The following NRG3 variants were observed in gnomAD, a reference collection of about 807,000 sequenced individuals.
NRG3 encodes neuregulin 3, also known as pro-neuregulin-3, membrane-bound isoform.
Under a neutral mutation model 66.9 loss-of-function variants are expected in NRG3, and 31 were observed. The ratio of observed to expected loss-of-function variants is 0.46; its 90% CI spans 0.35 to 0.63. NRG3 has a LOEUF of 0.63. Ranked by LOEUF, NRG3 falls within the 20% of genes least tolerant of loss-of-function variation. NRG3 has a pLI of 0.00. For synonymous variants in NRG3, 393 were observed against 359.4 expected (o/e 1.09, Z -1.06); for missense variants, 910 against 878.9 (o/e 1.04, Z -0.45).
At chr10:82,921,244 G>T (rs542476421) in intron 4 of NRG3, among the ~76,000 whole-genome samples, 5 of 152,154 alleles carry the variant, frequency 3.3e-5, no homozygotes, top group Non-Finnish European at 7.4e-5. Context: ...GCCAAGTCCC[G>T]ATTGAGGAAC....
At chr10:82,130,038 T>C (rs950602897) in intron 1 of NRG3, among the ~76,000 whole-genome samples, 1 of 151,906 alleles carries the variant, frequency 6.6e-6, no homozygotes, top group Non-Finnish European at 1.5e-5. Context: ...ATCATTCTAC[T>C]CTCTATCTCC....
chr10:82,657,487 G>C lies in NRG3; in HGVS notation c.954-81090G>C, dbSNP rs149044201. On this transcript the variant is annotated intron_variant, in intron 2 of 8. Transcript: ENST00000372141. ...AATCTGAGATATCTTGAAGGGATAAGTTTATTGGTAGCCCATGGTGATGGC... is the reference window on the plus strand; with the variant it reads ...AATCTGAGATATCTTGAAGGGATAACTTTATTGGTAGCCCATGGTGATGGC... Among the ~76,000 whole-genome samples the C allele has an allele frequency of 9.2e-3, 1,406 of 152,198 alleles. 13 individuals are homozygous for C. Among genetic ancestry groups the C allele is most frequent in the Middle Eastern group, 0.021 (6 of 292 alleles).
At chr10:82,083,578 C>T (rs2065520612) in intron 1 of NRG3, among the ~76,000 whole-genome samples, 1 of 147,830 alleles carries the variant, frequency 6.8e-6, no homozygotes, top group East Asian at 2.0e-4. Context: ...ACAACCTCTC[C>T]TTTACACCAT....
chr10:82,562,388 T>C (rs554793258), intron 2 of NRG3, among the ~76,000 whole-genome samples: 77 of 151,990 alleles, frequency 5.1e-4, no homozygotes, highest in African/African-American at 1.7e-3. Flanking sequence ...TCAACTTTTG[T>C]TTTTATTTTG....
intron 2 of NRG3, among the ~76,000 whole-genome samples, chr10:82,483,937 A>G (rs1161090906): frequency 6.6e-6 from 1 of 152,240 alleles, no homozygotes; most frequent in African/African-American, 2.4e-5. Context: ...TATGCATTAG[A>G]TTTTAATTTG....
intron 1 of NRG3, among the ~76,000 whole-genome samples, chr10:81,952,547 G>A (rs1216418345): frequency 1.3e-5 from 2 of 152,012 alleles, no homozygotes. Flanking sequence ...TCAGATAACT[G>A]GTCACCCAAA....
intron 1 of NRG3, among the ~76,000 whole-genome samples, chr10:82,014,305 C>T (rs1021365277): frequency 2.6e-5 from 4 of 152,130 alleles, no homozygotes; most frequent in Non-Finnish European, 5.9e-5. Flanking sequence ...GTGAGATGTT[C>T]CTTTCACAGA....
At chr10:82,114,424 CA>C (rs2067572800) in intron 1 of NRG3, among the ~76,000 whole-genome samples, 1 of 152,070 alleles carries the variant, frequency 6.6e-6, no homozygotes, top group South Asian at 2.1e-4. Context: ...CTAAAAAATT[CA>C]AATTATTTTC....
At chr10:82,882,818 T>C (rs1842417894) in intron 4 of NRG3, among the ~76,000 whole-genome samples, 1 of 152,310 alleles carries the variant, frequency 6.6e-6, no homozygotes, top group Non-Finnish European at 1.5e-5. Context: ...ATCTTCTCAA[T>C]ACTGCCTGTT....
At chr10:82,234,709 G>A (rs1330252394) in intron 1 of NRG3, among the ~76,000 whole-genome samples, 3 of 152,222 alleles carry the variant, frequency 2.0e-5, no homozygotes, top group Non-Finnish European at 2.9e-5. Flanking sequence ...CATCGTAAAA[G>A]TTAACTGGGA....
At chr10:82,679,923 T>G (rs1033180503) in intron 2 of NRG3, among the ~76,000 whole-genome samples, 1 of 152,192 alleles carries the variant, frequency 6.6e-6, no homozygotes, top group Non-Finnish European at 1.5e-5. Flanking sequence ...AATTGCACTA[T>G]GTATTTTATT....
intron 2 of NRG3, among the ~76,000 whole-genome samples, chr10:82,605,330 GATATA>G (rs2047899639): frequency 6.6e-6 from 1 of 151,906 alleles, no homozygotes; most frequent in Non-Finnish European, 1.5e-5. Flanking sequence ...ACTGCATTAT[GATATA>G]ATCATAAGAT....
intron 3 of NRG3, among the ~76,000 whole-genome samples, chr10:82,856,757 A>AAC (rs2063831118): frequency 6.1e-4 from 42 of 68,310 alleles, no homozygotes; most frequent in African/African-American, 1.7e-3. Context: ...AAAAAAAAAC[A>AAC]AAAAAAAAAA....
chr10:82,444,569 G>C (rs55993103), intron 2 of NRG3, among the ~76,000 whole-genome samples: 2,957 of 152,228 alleles, frequency 0.019, 39 homozygotes, highest in Non-Finnish European at 0.031. Context: ...TAAGGTGGAG[G>C]GGGGAAAATG....
intron 1 of NRG3, among the ~76,000 whole-genome samples, chr10:82,197,202 T>G (rs1452018443): frequency 6.6e-6 from 1 of 152,154 alleles, no homozygotes; most frequent in Non-Finnish European, 1.5e-5. Context: ...CTTCAGAATT[T>G]CACATAGCAC....
chr10:82,104,410 T>A (rs1375981853), intron 1 of NRG3, among the ~76,000 whole-genome samples: 1 of 151,896 alleles, frequency 6.6e-6, no homozygotes, highest in Non-Finnish European at 1.5e-5. Flanking sequence ...GAAAAGAGAG[T>A]GGGATACAAA....
At chr10:82,416,648 T>G (rs1439398657) in intron 2 of NRG3, among the ~76,000 whole-genome samples, 2 of 152,166 alleles carry the variant, frequency 1.3e-5, no homozygotes, top group Non-Finnish European at 2.9e-5. Flanking sequence ...TGCTTTAGTC[T>G]TGTTCTACCT....
At position 82,172,767 on chromosome 10, in the gene NRG3, C is replaced by T. The variant is rs557269828; in HGVS notation, c.824-185972C>T. Among the ~76,000 whole-genome samples, 10 of 152,224 alleles carry T rather than the reference C, an allele frequency of 6.6e-5. No individual in the cohort carries two copies. The South Asian group carries it at 1.9e-3, about 28-fold the overall frequency. The stretch of plus-strand genomic sequence containing the variant: ...ATTGAAACACAGAGGTCTGCGGGGC[C>T]TTTCCCGCTTGACCCATAATGTAAT... On this transcript the variant is annotated intron_variant, in intron 1 of 8. Coordinates refer to ENST00000372141, the MANE Select transcript of NRG3 (RefSeq NM_001010848.4).
intron 2 of NRG3, among the ~76,000 whole-genome samples, chr10:82,600,403 T>C (rs1333178273): frequency 6.6e-6 from 1 of 152,192 alleles, no homozygotes; most frequent in Non-Finnish European, 1.5e-5. Flanking sequence ...ATTATAGTCC[T>C]TTTTTTGGAA....
Sources: gnomAD v4.1 joint callset for allele counts (sites outside exome capture counted in the v4.1 genomes callset) on GRCh38, gnomAD v4.1.1 for gene constraint, MANE v1.5 for transcripts, NCBI Gene and HGNC (gene_info 2026-07-23, HGNC 2026-07-21) for gene names.